The following LARP6 variants were observed in gnomAD, a reference collection of about 807,000 sequenced individuals.
LARP6 encodes La ribonucleoprotein 6, translational regulator.
In LARP6, 18 loss-of-function variants were observed where a neutral mutation model predicts 32.8. That is an observed-to-expected ratio of 0.55 (90% CI 0.38 to 0.81). LARP6 has a LOEUF of 0.81. LARP6 is among the 40% of genes least tolerant of loss of function. LARP6 has a pLI of 0.00. For missense variants in LARP6, 598 were observed against 663.1 expected (o/e 0.90, Z 1.08); for synonymous variants, 289 against 267.2 (o/e 1.08, Z -0.80).
intron 1 of LARP6, among the ~76,000 whole-genome samples, chr15:70,844,884 C>G (rs1055361384): frequency 1.3e-4 from 20 of 152,162 alleles, no homozygotes; most frequent in African/African-American, 4.8e-4. Context: ...ATTTTTGAGT[C>G]TTTTGTTTCA....
chr15:70,851,267 G>A (rs2141059755), intron 1 of LARP6, among the ~76,000 whole-genome samples: 1 of 152,214 alleles, frequency 6.6e-6, no homozygotes, highest in East Asian at 1.9e-4. Context: ...CACCAAATAT[G>A]GCAAAATGTT....
intron 1 of LARP6, among the ~76,000 whole-genome samples, chr15:70,839,625 C>T (rs938749569): frequency 7.2e-5 from 11 of 152,012 alleles, no homozygotes; most frequent in Non-Finnish European, 1.6e-4. Flanking sequence ...CTCTGTCGCC[C>T]AGGCTGGAGT....
Position 70,842,991 on chromosome 15 carries a change from A to T in LARP6, c.201-6486T>A, listed in dbSNP as rs570840130. Among the ~76,000 whole-genome samples the T allele has an allele frequency of 2.0e-5, 3 of 152,322 alleles. No individual in the cohort carries two copies. In the South Asian group the frequency reaches 6.2e-4, roughly 32 times the overall value. ...TGTGAAATAGCCTTCAAATGGGAAAAGATACCATATCTTTTATGAATATTA... is the reference window on the plus strand; with the variant it reads ...TGTGAAATAGCCTTCAAATGGGAAATGATACCATATCTTTTATGAATATTA... On this transcript the variant is annotated intron_variant, in intron 1 of 2. Transcript: ENST00000299213.
intron 1 of LARP6, among the ~76,000 whole-genome samples, chr15:70,845,121 G>GT (rs2032323007): frequency 6.6e-6 from 1 of 151,994 alleles, no homozygotes; most frequent in East Asian, 1.9e-4. Flanking sequence ...CATTAGTATG[G>GT]TACATGTGTT....
At chr15:70,851,616 C>G in intron 1 of LARP6, 1 of 1,607,560 alleles carries the variant, frequency 6.2e-7, no homozygotes, top group Middle Eastern at 1.7e-4. Context: ...GATAGAGATA[C>G]GCATTCAGTC....
At chr15:70,851,692 T>C in intron 1 of LARP6, 2 of 1,614,168 alleles carry the variant, frequency 1.2e-6, no homozygotes, top group Non-Finnish European at 1.7e-6. Context: ...GAAGCAAGCA[T>C]GGTCCTTGAA....
In LARP6 at chr15:70,854,071, C is replaced by G; in HGVS notation, c.18G>C (p.Gly6=). The G allele has an allele frequency of 7.3e-7, 1 of 1,371,394 alleles. No individual in the cohort carries two copies. Among genetic ancestry groups the G allele is most frequent in the Non-Finnish European group, 9.5e-7 (1 of 1,054,244 alleles). The allele number at this position is 1,371,394 out of a possible 1,614,324, so 85.0% of individuals were successfully genotyped here. A position where few individuals can be genotyped will look rare whatever the true frequency, so the allele number is the denominator to read the frequency against. ...CCGTCTTGGGCCCGGGCCGAGCCTC[C>G]CCGCCGGACTGGGCCATGGCTCGCG... MAQSG[G]EARPGPKTAV... is the part of the protein sequence containing the mutation. The change falls in exon 1 of 3, where the codon GGG becomes GGC. Residue 6 remains glycine (G), a synonymous_variant. Transcript: ENST00000299213.
chr15:70,841,778 G>T (rs1227590374), intron 1 of LARP6, among the ~76,000 whole-genome samples: 1 of 151,918 alleles, frequency 6.6e-6, no homozygotes, highest in African/African-American at 2.4e-5. Flanking sequence ...GCTTCCTGAG[G>T]CCTCCCCAGA....
chr15:70,844,588 A>G (rs1194793015), intron 1 of LARP6, among the ~76,000 whole-genome samples: 3 of 152,128 alleles, frequency 2.0e-5, no homozygotes. Flanking sequence ...CTAAGATTAC[A>G]TTTCTTGTCT....
In LARP6 at chr15:70,830,424, C is replaced by T. The variant is rs1424500190; in HGVS notation, c.*1628G>A. 1 of 152,168 alleles carries T rather than the reference C, an allele frequency of 6.6e-6. No homozygotes were observed. Among genetic ancestry groups the T allele is most frequent in the African/African-American group, 2.4e-5 (1 of 41,432 alleles). 9.4% of individuals were successfully genotyped at this position (152,168 alleles called of 1,614,324 possible). On this transcript the variant is annotated 3_prime_UTR_variant, in exon 3 of 3. Coordinates refer to ENST00000299213, the MANE Select transcript of LARP6 (RefSeq NM_018357.4). ...CCAATGCCTAGCACGTAGGAAGGTGCTGAATAAATATTAGCACCTTTTATG... is the reference window on the plus strand; with the variant it reads ...CCAATGCCTAGCACGTAGGAAGGTGTTGAATAAATATTAGCACCTTTTATG...
chr15:70,836,761 C>T (rs563593594), intron 1 of LARP6, among the ~76,000 whole-genome samples: 52 of 152,090 alleles, frequency 3.4e-4, no homozygotes, highest in Non-Finnish European at 6.8e-4. Flanking sequence ...CATGTGAAGG[C>T]GAAGGGAGAG....
At chr15:70,837,764 G>C (rs1214396476) in intron 1 of LARP6, among the ~76,000 whole-genome samples, 1 of 152,198 alleles carries the variant, frequency 6.6e-6, no homozygotes, top group East Asian at 1.9e-4. Flanking sequence ...TTACAGATGG[G>C]AGTGTAATTT....
Position 70,843,679 on chromosome 15 carries a change from G to A in LARP6, c.201-7174C>T, listed in dbSNP as rs535436788. Among the ~76,000 whole-genome samples the A allele has an allele frequency of 3.6e-3, 475 of 131,168 alleles. 6 individuals are homozygous for A. The highest frequency in any genetic ancestry group is 0.014 in the African/African-American group (452 of 33,436). 86.1% of individuals were successfully genotyped at this position (131,168 alleles called of 152,430 possible). A position where few individuals can be genotyped will look rare whatever the true frequency, so the allele number is the denominator to read the frequency against. On this transcript the variant is annotated intron_variant, in intron 1 of 2. Transcript: ENST00000299213. ...TTTTTTTTTTTTTTTTTTTTGAGAC[G>A]GAGTCTCACTCTGTCGCCCAGGCTG...
Position 70,832,895 on chromosome 15 carries a change from C to A in LARP6, c.633G>T (p.Glu211Asp). 2 of 1,606,474 alleles carry A rather than the reference C, an allele frequency of 1.2e-6. No individual in the cohort carries two copies. The highest frequency in any genetic ancestry group is 8.5e-7 in the Non-Finnish European group (1 of 1,176,716). ...GCTTGAGCAGGTGTTCCATCACCTTCTCTTGCACCCTTCCATTCTTCTGGG... is the reference window on the plus strand; with the variant it reads ...GCTTGAGCAGGTGTTCCATCACCTTATCTTGCACCCTTCCATTCTTCTGGG... Reference protein sequence around the residue: ...ATPQKNGRVQEKVMEHLLKLF... With the variant: ...ATPQKNGRVQDKVMEHLLKLF... The change falls in exon 3 of 3, where the codon GAG (glutamate) becomes GAT (aspartate). Residue 211 changes from glutamate to aspartate, a missense_variant. Physicochemically the swap from Glu to Asp is conservative, Grantham distance 45. Around this residue, in one of 3 missense-constraint regions of LARP6, gnomAD observed 368 missense variants for 397.9 expected, o/e 0.92. Coordinates refer to ENST00000299213, the MANE Select transcript of LARP6 (RefSeq NM_018357.4).
At position 70,836,456 on chromosome 15, in the gene LARP6, C is replaced by T; in HGVS notation, c.250G>A (p.Glu84Lys). The T allele has an allele frequency of 6.2e-7, 1 of 1,614,210 alleles. No individual in the cohort carries two copies. The highest frequency in any genetic ancestry group is 8.5e-7 in the Non-Finnish European group (1 of 1,180,044). Residue 84 changes from glutamate to lysine, a missense_variant, in exon 2 of 3, where the codon GAG becomes AAG. This residue lies in a region of LARP6 where 161 missense variants were observed against 148.6 expected (regional missense o/e 1.08). Transcript: ENST00000299213. ...GENEREDLEQ[E>K]WKPPDEELIK... ...AACTCCTCATCCGGGGGCTTCCACTCCTGCTCCAGGTCCTCACGCTCGTTC... is the reference window on the plus strand; with the variant it reads ...AACTCCTCATCCGGGGGCTTCCACTTCTGCTCCAGGTCCTCACGCTCGTTC...
At chr15:70,834,613 G>C (rs2141049456) in intron 2 of LARP6, among the ~76,000 whole-genome samples, 1 of 152,334 alleles carries the variant, frequency 6.6e-6, no homozygotes, top group South Asian at 2.1e-4. Context: ...AGAAGTCTGT[G>C]GGGGACCACA....
intron 2 of LARP6, among the ~76,000 whole-genome samples, chr15:70,834,752 A>G (rs2032116916): frequency 6.6e-6 from 1 of 152,244 alleles, no homozygotes; most frequent in African/African-American, 2.4e-5. Context: ...TTCATAAGGA[A>G]GGTCCAGGTA....
intron 1 of LARP6, among the ~76,000 whole-genome samples, chr15:70,841,564 G>A (rs995162612): frequency 2.6e-5 from 4 of 152,254 alleles, no homozygotes; most frequent in African/African-American, 9.6e-5. Flanking sequence ...GGTGGGAGGT[G>A]ATTGAATCAT....
chr15:70,834,035 G>T (rs767546275), intron 2 of LARP6, among the ~76,000 whole-genome samples: 2 of 152,228 alleles, frequency 1.3e-5, no homozygotes, highest in Non-Finnish European at 1.5e-5. Context: ...AACAAATAGT[G>T]AAGGTGGGTG....
Sources: allele counts gnomAD v4.1 joint callset (sites outside exome capture counted in the v4.1 genomes callset), GRCh38; gene constraint gnomAD v4.1.1; regional missense constraint gnomAD v4.1.1; transcripts MANE v1.5; gene names NCBI Gene and HGNC (gene_info 2026-07-23, HGNC 2026-07-21).